The following MAP2K5 variants were observed in gnomAD, a reference collection of about 807,000 sequenced individuals.
The protein encoded by MAP2K5 is mitogen-activated protein kinase kinase 5, also known as dual specificity mitogen-activated protein kinase kinase 5.
A neutral mutation model predicts 83.1 loss-of-function variants in MAP2K5; 49 were observed. The observed-to-expected ratio is 0.59, with a 90% CI of 0.47 to 0.75. The LOEUF (loss-of-function observed/expected upper bound fraction) is 0.75, where lower values mean the gene tolerates loss of function less well. Ranked by LOEUF, MAP2K5 falls within the 30% of genes least tolerant of loss-of-function variation. The pLI is 0.00. For synonymous variants in MAP2K5, 202 were observed against 191.8 expected, an observed-to-expected ratio of 1.05 and a Z score of -0.44; for missense variants, 457 against 557.5, an observed-to-expected ratio of 0.82 and a Z score of 1.82.
At chr15:67,684,563 A>T (rs1266127890) in intron 13 of MAP2K5, among the ~76,000 whole-genome samples, 1 of 152,206 alleles carries the variant, frequency 6.6e-6, no homozygotes, top group Non-Finnish European at 1.5e-5. Context: ...AAAGTTGACA[A>T]GCAAAGAATT....
chr15:67,606,599 G>T (rs1206399163), intron 8 of MAP2K5, among the ~76,000 whole-genome samples: 1 of 152,134 alleles, frequency 6.6e-6, no homozygotes, highest in Non-Finnish European at 1.5e-5. Context: ...GCAGTGGGCT[G>T]GGGATGGTCC....
At chr15:67,743,590 G>A (rs553835287) in intron 17 of MAP2K5, among the ~76,000 whole-genome samples, 3 of 152,170 alleles carry the variant, frequency 2.0e-5, no homozygotes, top group Admixed American at 6.5e-5. Flanking sequence ...CTTTAAGTTA[G>A]TGGTACTAGG....
In MAP2K5 at chr15:67,690,081, A is replaced by C. The variant is rs902891799; in HGVS notation, c.848-2398A>C. 6.6e-6 allele frequency among the ~76,000 whole-genome samples: 1 copy of C among 152,210 alleles called. No homozygotes were observed. The highest frequency in any genetic ancestry group is 2.1e-4 in the South Asian group (1 of 4,828). On this transcript the variant is annotated intron_variant, in intron 13 of 21. Transcript: ENST00000178640. This position sits in a 1 kb window ranked among gnomAD's most constrained non-coding sequence, Gnocchi z 4.3. ...GTGTATTTTATATGTGGTCCAAGAC[A>C]GTTCTTCTTCCAATGTGGCCCAGGG...
intron 9 of MAP2K5, among the ~76,000 whole-genome samples, chr15:67,643,206 A>G (rs2086752681): frequency 6.6e-6 from 1 of 152,146 alleles, no homozygotes; most frequent in Admixed American, 6.5e-5. Flanking sequence ...AGACTTTTTT[A>G]GAGTGAGAGA....
intron 16 of MAP2K5, among the ~76,000 whole-genome samples, chr15:67,726,680 A>G (rs1397566424): frequency 6.6e-6 from 1 of 152,186 alleles, no homozygotes; most frequent in Non-Finnish European, 1.5e-5. Context: ...GCTTCCACTT[A>G]TTAACTGTTT....
rs758232214 is a variant in MAP2K5, at chr15:67,668,188, T to C, written c.847+3543T>C. On this transcript the variant is annotated intron_variant, in intron 13 of 21. Transcript: ENST00000178640. This position sits in a 1 kb window ranked among gnomAD's most constrained non-coding sequence, Gnocchi z 4.0. ...ACTATTGAATGCTAAGAATGTGGCA[T>C]GTTTTTATTATAACCATGAATTAAT... 7.4e-4 allele frequency among the ~76,000 whole-genome samples: 113 copies of C among 152,298 alleles called. 1 individual carries two copies. Among genetic ancestry groups the C allele is most frequent in the Middle Eastern group, 3.4e-3 (1 of 294 alleles).
chr15:67,679,478 T>G (rs921757669), intron 13 of MAP2K5, among the ~76,000 whole-genome samples: 1 of 152,190 alleles, frequency 6.6e-6, no homozygotes, highest in Non-Finnish European at 1.5e-5. Context: ...TTTTTCATGT[T>G]TGAATCAGTT....
chr15:67,791,996 TC>T (rs1174608948), intron 21 of MAP2K5, among the ~76,000 whole-genome samples: 1 of 152,166 alleles, frequency 6.6e-6, no homozygotes, highest in Non-Finnish European at 1.5e-5. Flanking sequence ...TCCTACCTCT[TC>T]ATAACGACAG....
intron 3 of MAP2K5, among the ~76,000 whole-genome samples, chr15:67,571,016 G>A (rs763610806): frequency 7.9e-5 from 12 of 152,182 alleles, no homozygotes; most frequent in Non-Finnish European, 1.6e-4. Context: ...TCCTCTGTAC[G>A]TGAGACTTGC....
intron 16 of MAP2K5, among the ~76,000 whole-genome samples, chr15:67,705,351 A>G (rs113333627): frequency 0.018 from 2,758 of 152,290 alleles, 95 homozygotes; most frequent in African/African-American, 0.063. Flanking sequence ...TCCATTTGGC[A>G]AGGGCTGGGG....
Position 67,693,421 on chromosome 15 carries a change from T to G in MAP2K5, c.922-97T>G, listed in dbSNP as rs571089522. 342 of 934,088 alleles carry G rather than the reference T, an allele frequency of 3.7e-4. 1 individual carries two copies. The highest frequency in any genetic ancestry group is 8.4e-4 in the Middle Eastern group (3 of 3,576). The allele number at this position is 934,088 out of a possible 1,614,324, so 57.9% of individuals were successfully genotyped here. A position where few individuals can be genotyped will look rare whatever the true frequency, so the allele number is the denominator to read the frequency against. Reference sequence around the variant, plus strand: ...CCCTTTTACATAATTTTTAGTTGATTTATATGAATGATGATTGTAGGTTAA... The same window carrying G: ...CCCTTTTACATAATTTTTAGTTGATGTATATGAATGATGATTGTAGGTTAA... On this transcript the variant is annotated intron_variant, in intron 14 of 21. Coordinates refer to ENST00000178640, the MANE Select transcript of MAP2K5 (RefSeq NM_145160.3).
chr15:67,765,642 G>C (rs756719424), intron 19 of MAP2K5, among the ~76,000 whole-genome samples: 7 of 152,090 alleles, frequency 4.6e-5, no homozygotes, highest in Non-Finnish European at 7.4e-5. Flanking sequence ...TGCTCTCAAG[G>C]TCACTAAACG....
intron 8 of MAP2K5, among the ~76,000 whole-genome samples, chr15:67,622,316 G>A (rs772312402): frequency 2.6e-5 from 4 of 152,118 alleles, no homozygotes; most frequent in Admixed American, 6.5e-5. Context: ...CAAAGGCCCC[G>A]AGGCAGGAGC....
intron 2 of MAP2K5, among the ~76,000 whole-genome samples, chr15:67,550,357 A>G (rs1234456638): frequency 6.6e-6 from 1 of 152,354 alleles, no homozygotes. Flanking sequence ...TTGTGATAAT[A>G]TTGCAGGACA....
chr15:67,590,438 C>CTCTCTCT (rs1567294574), intron 6 of MAP2K5, among the ~76,000 whole-genome samples: 6 of 67,314 alleles, frequency 8.9e-5, no homozygotes, highest in African/African-American at 3.7e-4. Flanking sequence ...TCTCTCTCTC[C>CTCTCTCT]CTCCCTCCCT....
intron 21 of MAP2K5, among the ~76,000 whole-genome samples, chr15:67,795,453 A>G (rs72751444): frequency 9.2e-5 from 14 of 152,268 alleles, no homozygotes; most frequent in Non-Finnish European, 1.8e-4. Context: ...ATTCTAAGTA[A>G]TTTTCAATTT....
rs1204572685 is a variant in MAP2K5 at position 67,573,909 on chromosome 15, T to A, written c.253-6845T>A. ...TCCTCCATATGGTTTTTTGCTTTGT[T>A]ATTTTACATATAAACAAACATTGTA... is the stretch of plus-strand genomic sequence containing the variant. On this transcript the variant is annotated intron_variant, in intron 3 of 21. Transcript: ENST00000178640. This position sits in a 1 kb window ranked among gnomAD's most constrained non-coding sequence, Gnocchi z 4.2. Among the ~76,000 whole-genome samples, 1 of 152,202 alleles carries A rather than the reference T, an allele frequency of 6.6e-6. No homozygotes were observed. Among genetic ancestry groups the A allele is most frequent in the Admixed American group, 6.5e-5 (1 of 15,280 alleles).
chr15:67,735,256 G>C (rs1336342836), intron 17 of MAP2K5, among the ~76,000 whole-genome samples: 1 of 152,176 alleles, frequency 6.6e-6, no homozygotes, highest in Admixed American at 6.5e-5. Context: ...AAATGGAAGA[G>C]ACATCATCCC....
At position 67,748,407 on chromosome 15, in the gene MAP2K5, T is replaced by TAGAA. The variant is rs1419983182; in HGVS notation, c.1101+152_1101+155dup. The TAGAA allele has an allele frequency of 1.2e-6, 1 of 813,412 alleles. No homozygotes were observed. Among genetic ancestry groups the TAGAA allele is most frequent in the African/African-American group, 1.7e-5 (1 of 58,164 alleles). 50.4% of individuals were successfully genotyped at this position (813,412 alleles called of 1,614,324 possible). A position where few individuals can be genotyped will look rare whatever the true frequency, so the allele number is the denominator to read the frequency against. Reference sequence around the variant, plus strand: ...CTGCCTGTATTAGATTAGGTACCATTAGAAATAATAGAACCTCCTGAGCAT... The same window carrying TAGAA: ...CTGCCTGTATTAGATTAGGTACCATTAGAAAGAAATAATAGAACCTCCTGAGCAT... On this transcript the variant is annotated intron_variant, in intron 18 of 21. Coordinates refer to ENST00000178640, the MANE Select transcript of MAP2K5 (RefSeq NM_145160.3). This position sits in a 1 kb window ranked among gnomAD's most constrained non-coding sequence, Gnocchi z 4.0.
Sources: gnomAD v4.1 joint callset for allele counts (sites outside exome capture counted in the v4.1 genomes callset) on GRCh38, gnomAD v4.1.1 for gene constraint, Gnocchi (gnomAD v3.1) non-coding constraint, MANE v1.5 for transcripts, NCBI Gene and HGNC (gene_info 2026-07-23, HGNC 2026-07-21) for gene names.